Variants in CCL4L2 observed in about 807,000 individuals in gnomAD.
The protein encoded by CCL4L2 is C-C motif chemokine ligand 4 like 2.
A neutral mutation model predicts 5.9 loss-of-function variants in CCL4L2; 3 were observed. The observed-to-expected ratio is 0.51, with a 90% confidence interval of 0.23 to 1.32. The LOEUF is 1.32. CCL4L2 is among the 40% of genes most tolerant of loss of function. CCL4L2 has a pLI of 0.18. For synonymous variants in CCL4L2, 36 were observed against 47.6 expected (o/e 0.76, Z 1.00); for missense variants, 74 against 121.2 (o/e 0.61, Z 1.83).
chr17:36,212,415 A>C lies in CCL4L2; in HGVS notation c.304A>C (p.Lys102Gln). ...GCAGAGGAAGATGCCTACCACAGGCAAGGGATAAAGCCAGATGACCTCAAA... is the reference window on the plus strand; with the variant it reads ...GCAGAGGAAGATGCCTACCACAGGCCAGGGATAAAGCCAGATGACCTCAAA... Residue 102 changes from lysine (K) to glutamine (Q), a missense_variant, in exon 3 of 3, where the codon AAG (lysine) becomes CAG (glutamine). By Grantham distance (53) the Lys-to-Gln change is moderately conservative (BLOSUM62 1). Coordinates refer to ENST00000617405, the MANE Select transcript of CCL4L2 (RefSeq NM_001291475.2). 1 of 1,551,502 alleles carries C rather than the reference A, an allele frequency of 6.4e-7. No homozygotes were observed. Among genetic ancestry groups the C allele is most frequent in the Non-Finnish European group, 8.9e-7 (1 of 1,128,620 alleles).
chr17:36,212,117 G>A (rs77897802), intron 2 of CCL4L2: 14,515 of 707,338 alleles, frequency 0.021, 315 homozygotes, highest in East Asian at 0.19. Flanking sequence ...GTTATTCAGA[G>A]GACAGGGAAG....
Position 36,212,079 on chromosome 17 carries a change from G to A in CCL4L2, c.191+189G>A, listed in dbSNP as rs1447758340. 1.0e-4 allele frequency: 83 copies of A among 795,650 alleles called. No individual in the cohort carries two copies. In the East Asian group the frequency reaches 1.3e-3, roughly 12 times the overall value. 49.3% of individuals were successfully genotyped at this position (795,650 alleles called of 1,614,324 possible). A position where few individuals can be genotyped will look rare whatever the true frequency, so the allele number is the denominator to read the frequency against. ...TGCTGAAGGCGGCTGAGTGGCAGCC[G>A]AGACAGAAGGGGGTTCCTGGGGAGG... is the stretch of plus-strand genomic sequence containing the variant. On this transcript the variant is annotated intron_variant, in intron 2 of 2. Transcript: ENST00000617405.
rs2068814004 is a variant in CCL4L2 at position 36,212,721 on chromosome 17, G to C, written c.*298G>C. 2.0e-6 allele frequency: 2 copies of C among 986,356 alleles called. No homozygotes were observed. Among genetic ancestry groups the C allele is most frequent in the South Asian group, 2.9e-5 (2 of 68,826 alleles). The allele number at this position is 986,356 out of a possible 1,614,324, so 61.1% of individuals were successfully genotyped here. A position where few individuals can be genotyped will look rare whatever the true frequency, so the allele number is the denominator to read the frequency against. ...TTTATGTGCTGTATTATTGTATTAG[G>C]TGTTATTTCCATTATTTATATTAGT... On this transcript the variant is annotated 3_prime_UTR_variant, in exon 3 of 3. Coordinates refer to ENST00000617405, the MANE Select transcript of CCL4L2 (RefSeq NM_001291475.2).
At chr17:36,212,189 CAT>C (rs1337091242) in intron 2 of CCL4L2, 6 of 703,528 alleles carry the variant, frequency 8.5e-6, no homozygotes, top group Non-Finnish European at 1.6e-5. Flanking sequence ...GCTAGAAAAA[CAT>C]GTGGAAAAGT....
intron 2 of CCL4L2, 116 bp downstream of exon 2, chr17:36,212,006 C>T (rs2068790088): frequency 8.3e-7 from 1 of 1,209,230 alleles, no homozygotes; most frequent in African/African-American, 1.4e-5. Flanking sequence ...AGGGCTGAAG[C>T]CTTCCCTGAC....
chr17:36,211,885 T>G lies in CCL4L2; in HGVS notation c.186T>G (p.Ala62=). ...CCAGCAGCCTCTGCTCCCAGCCAGC[T>G]GTGGTGTGAGTATCAACCCCTGGCT... Residue 62 remains alanine (A), a synonymous_variant, in exon 2 of 3, where the codon GCT becomes GCG. Coordinates refer to ENST00000617405, the MANE Select transcript of CCL4L2 (RefSeq NM_001291475.2). 7.6e-6 allele frequency: 12 copies of G among 1,578,778 alleles called. 2 individuals are homozygous for G. The South Asian group carries it at 1.3e-4, about 18-fold the overall frequency.
chr17:36,211,708 C>T, intron 1 of CCL4L2, 68 bp from the exon 2 acceptor site: 2 of 1,519,870 alleles, frequency 1.3e-6, no homozygotes, highest in Non-Finnish European at 1.8e-6. Flanking sequence ...AATGAAGATG[C>T]AAAATTAGAA....
chr17:36,212,639 C>T lies in CCL4L2; in HGVS notation c.*216C>T, dbSNP rs1823545372. The stretch of plus-strand genomic sequence containing the variant: ...GGATGCTTCTCCATGAGCCGCATCT[C>T]CTCCATACTCAGGACTCCTCTCCGC... On this transcript the variant is annotated 3_prime_UTR_variant, in exon 3 of 3. Coordinates refer to ENST00000617405, the MANE Select transcript of CCL4L2 (RefSeq NM_001291475.2). The T allele has an allele frequency of 2.7e-6, 4 of 1,503,670 alleles. 1 individual carries two copies. The highest frequency in any genetic ancestry group is 2.7e-5 in the African/African-American group (2 of 74,584). The allele number at this position is 1,503,670 out of a possible 1,614,324, so 93.1% of individuals were successfully genotyped here.
chr17:36,211,095 G>T lies in CCL4L2; in HGVS notation c.-47G>T. 1 of 1,566,192 alleles carries T rather than the reference G, an allele frequency of 6.4e-7. No homozygotes were observed. Among genetic ancestry groups the T allele is most frequent in the Non-Finnish European group, 8.7e-7 (1 of 1,143,010 alleles). On this transcript the variant is annotated 5_prime_UTR_variant, in exon 1 of 3. Transcript: ENST00000617405. The stretch of plus-strand genomic sequence containing the variant: ...GACACAGCTAGGTTCTGAAGCTTCT[G>T]AGTTCTGCAGCCTCACCTCTGAGAA...
In CCL4L2 at chr17:36,212,409, A is replaced by T; in HGVS notation, c.298A>T (p.Thr100Ser). Reference sequence around the variant, plus strand: ...GGTCAGGCAGAGGAAGATGCCTACCACAGGCAAGGGATAAAGCCAGATGAC... The same window carrying T: ...GGTCAGGCAGAGGAAGATGCCTACCTCAGGCAAGGGATAAAGCCAGATGAC... Residue 100 changes from threonine (T) to serine (S), a missense_variant, in exon 3 of 3, where the codon ACA becomes TCA. Physicochemically the swap from Thr to Ser is moderately conservative, Grantham distance 58. Coordinates refer to ENST00000617405, the MANE Select transcript of CCL4L2 (RefSeq NM_001291475.2). The T allele has an allele frequency of 6.5e-7, 1 of 1,537,348 alleles. No individual in the cohort carries two copies. The highest frequency in any genetic ancestry group is 9.0e-7 in the Non-Finnish European group (1 of 1,115,606).
At position 36,211,250 on chromosome 17, in the gene CCL4L2, C is replaced by G; in HGVS notation, c.76+33C>G. 5.1e-6 allele frequency: 8 copies of G among 1,576,586 alleles called. 1 individual carries two copies. The South Asian group carries it at 7.9e-5, about 15-fold the overall frequency. On this transcript the variant is annotated intron_variant, in intron 1 of 2. Transcript: ENST00000617405. The stretch of plus-strand genomic sequence containing the variant: ...TACTTTTGCAGCTGCTATTTCGAGT[C>G]AAGGTGTAGGCAGAGTCCTTTTTTC...
In CCL4L2 at chr17:36,212,545, C is replaced by T. The variant is rs757457627; in HGVS notation, c.*122C>T. 4.3e-4 allele frequency: 677 copies of T among 1,581,292 alleles called. 87 individuals are homozygous for T. Among genetic ancestry groups the T allele is most frequent in the Non-Finnish European group, 5.7e-4 (662 of 1,156,536 alleles). ...CCAGTGAGTCCTGGGTCCAGGAGTA[C>T]GTGTATGACCTGGAACTGAACTGAG... On this transcript the variant is annotated 3_prime_UTR_variant, in exon 3 of 3. Transcript: ENST00000617405.
chr17:36,212,584 G>A lies in CCL4L2; in HGVS notation c.*161G>A. The A allele has an allele frequency of 6.3e-7, 1 of 1,581,446 alleles. No individual in the cohort carries two copies. Among genetic ancestry groups the A allele is most frequent in the Non-Finnish European group, 8.6e-7 (1 of 1,156,458 alleles). On this transcript the variant is annotated 3_prime_UTR_variant, in exon 3 of 3. Transcript: ENST00000617405. ...AACTGAACTGAGCTGCTCAGAGACA[G>A]GAAGTCTTCAGGGAAGGTCACCTGA...
rs1405328864 is a variant in CCL4L2, at chr17:36,212,432, G to A, written c.*9G>A. On this transcript the variant is annotated 3_prime_UTR_variant, in exon 3 of 3. Coordinates refer to ENST00000617405, the MANE Select transcript of CCL4L2 (RefSeq NM_001291475.2). ...CCACAGGCAAGGGATAAAGCCAGATGACCTCAAAGGTCCCATGGGATTCTA... is the reference window on the plus strand; with the variant it reads ...CCACAGGCAAGGGATAAAGCCAGATAACCTCAAAGGTCCCATGGGATTCTA... The A allele has an allele frequency of 1.0e-5, 16 of 1,570,638 alleles. 1 individual carries two copies. The East Asian group carries it at 2.9e-4, about 29-fold the overall frequency.
At position 36,212,777 on chromosome 17, in the gene CCL4L2, ATGGTC is replaced by A; in HGVS notation, c.*355_*359del. On this transcript the variant is annotated 3_prime_UTR_variant, in exon 3 of 3. Coordinates refer to ENST00000617405, the MANE Select transcript of CCL4L2 (RefSeq NM_001291475.2). Reference sequence around the variant, plus strand: ...CAAAGGATAAGTGTCCCCTATGGGGATGGTCCACTCTCACTCTTTCTCTGCTGTTG... The same window carrying A: ...CAAAGGATAAGTGTCCCCTATGGGGACACTCTCACTCTTTCTCTGCTGTTG... 4.4e-6 allele frequency: 3 copies of A among 674,544 alleles called. No individual in the cohort carries two copies. The highest frequency in any genetic ancestry group is 7.8e-6 in the Non-Finnish European group (3 of 386,120). 41.8% of individuals were successfully genotyped at this position (674,544 alleles called of 1,614,324 possible).
In CCL4L2 at chr17:36,211,392, C is replaced by T; in HGVS notation, c.76+175C>T. The T allele has an allele frequency of 9.4e-6, 9 of 957,980 alleles. 2 individuals carry two copies. In the Middle Eastern group the frequency reaches 1.5e-3, roughly 156 times the overall value. The allele number at this position is 957,980 out of a possible 1,614,324, so 59.3% of individuals were successfully genotyped here. A position where few individuals can be genotyped will look rare whatever the true frequency, so the allele number is the denominator to read the frequency against. On this transcript the variant is annotated intron_variant, in intron 1 of 2. Transcript: ENST00000617405. Reference sequence around the variant, plus strand: ...GTAGATATTCAGTAACATTCAAGTTCCTATTTTCTTAAGAATTAGCAACCA... The same window carrying T: ...GTAGATATTCAGTAACATTCAAGTTTCTATTTTCTTAAGAATTAGCAACCA...
chr17:36,211,418 G>T, intron 1 of CCL4L2: 2 of 820,864 alleles, frequency 2.4e-6, no homozygotes, highest in Non-Finnish European at 4.2e-6. Context: ...TTAGCAACCA[G>T]CAGAGGAAAA....
Position 36,211,654 on chromosome 17 carries a change from C to G in CCL4L2, c.77-122C>G, listed in dbSNP as rs2068778814. ...TGCTCATGTTAGGTGGGAATGGATA[C>G]AAGGGACCATATTTGGGGTTCTGGT... On this transcript the variant is annotated intron_variant, in intron 1 of 2. Transcript: ENST00000617405. 3.6e-6 allele frequency: 4 copies of G among 1,123,042 alleles called. 1 individual carries two copies. The highest frequency in any genetic ancestry group is 2.7e-6 in the Non-Finnish European group (2 of 744,842). 69.6% of individuals were successfully genotyped at this position (1,123,042 alleles called of 1,614,324 possible). A position where few individuals can be genotyped will look rare whatever the true frequency, so the allele number is the denominator to read the frequency against.
chr17:36,211,676 T>C (rs1198181701), intron 1 of CCL4L2, 100 bp from the exon 2 acceptor site: 4 of 1,360,878 alleles, frequency 2.9e-6, no homozygotes, highest in Non-Finnish European at 4.2e-6. Flanking sequence ...TTTGGGGTTC[T>C]GGTAGCTCCA....
Sources: allele counts gnomAD v4.1 joint callset, GRCh38; gene constraint gnomAD v4.1.1; transcripts MANE v1.5; gene names NCBI Gene and HGNC (gene_info 2026-07-23, HGNC 2026-07-21).